BICC1: variants seen among roughly 807,000 people sequenced by gnomAD.
BICC1 encodes the protein protein bicaudal C homolog 1.
In BICC1, 43 loss-of-function variants were observed where a neutral mutation model predicts 111.0. That is an observed-to-expected ratio of 0.39 (90% CI 0.30 to 0.50). The LOEUF is 0.50. BICC1 is among the 20% of genes least tolerant of loss of function. The pLI is 0.88. For synonymous variants in BICC1, 467 were observed against 434.4 expected (o/e 1.07, Z -0.93); for missense variants, 1,091 against 1,203.2 (o/e 0.91, Z 1.38).
At chr10:58,777,490 A>G (rs1035196738) in intron 3 of BICC1, among the ~76,000 whole-genome samples, 1 of 151,934 alleles carries the variant, frequency 6.6e-6, no homozygotes, top group African/African-American at 2.4e-5. Flanking sequence ...CAATTGGTAA[A>G]CCATTCACAG....
At chr10:58,747,862 A>C (rs757605922) in intron 3 of BICC1, among the ~76,000 whole-genome samples, 152 of 152,242 alleles carry the variant, frequency 1.0e-3, no homozygotes, top group Admixed American at 2.0e-3. Context: ...CTGTGTTTGT[A>C]AATAAAAAGT....
chr10:58,573,626 A>G (rs575681471), intron 1 of BICC1, among the ~76,000 whole-genome samples: 13 of 152,270 alleles, frequency 8.5e-5, no homozygotes, highest in African/African-American at 1.7e-4. Context: ...AAATCTCGCA[A>G]TGAATTCTGC....
At chr10:58,544,553 G>A (rs905975058) in intron 1 of BICC1, among the ~76,000 whole-genome samples, 1 of 152,032 alleles carries the variant, frequency 6.6e-6, no homozygotes, top group African/African-American at 2.4e-5. Context: ...ATATATATGT[G>A]TGATCTGTGT....
At chr10:58,577,901 C>A (rs1844158820) in intron 1 of BICC1, among the ~76,000 whole-genome samples, 3 of 152,280 alleles carry the variant, frequency 2.0e-5, no homozygotes, top group South Asian at 4.1e-4. Flanking sequence ...CTAGAGCAAG[C>A]TGTGTTTTTG....
intron 1 of BICC1, among the ~76,000 whole-genome samples, chr10:58,601,142 ATATATATAT>A (rs1564506771): frequency 1.8e-4 from 21 of 119,520 alleles, no homozygotes; most frequent in South Asian, 6.1e-4. Flanking sequence ...TTTAAAACTT[ATATATATAT>A]ATATATATAT....
chr10:58,798,415 C>G lies in BICC1; in HGVS notation c.1383C>G (p.Thr461=), dbSNP rs149734189. 6.3e-6 allele frequency: 10 copies of G among 1,586,308 alleles called. No homozygotes were observed. The highest frequency in any genetic ancestry group is 5.8e-5 in the South Asian group (5 of 86,228). ...TTATTACAGGTCTTTTGGGACCCAC[C>G]ACCTTATCTCTGAACACTTCAACAA... ...GLTGLGLLGP[T]TLSLNTSTTP... The change falls in exon 11 of 21, where the codon ACC becomes ACG. Residue 461 remains threonine (T), a synonymous_variant. Transcript: ENST00000373886.
chr10:58,630,463 C>T (rs1461619395), intron 2 of BICC1, among the ~76,000 whole-genome samples: 2 of 152,082 alleles, frequency 1.3e-5, no homozygotes, highest in African/African-American at 4.8e-5. Flanking sequence ...GGGTTTTGCT[C>T]TGTTGCCCAG....
intron 1 of BICC1, among the ~76,000 whole-genome samples, chr10:58,618,257 A>G (rs1157306766): frequency 2.0e-5 from 3 of 152,174 alleles, no homozygotes; most frequent in Non-Finnish European, 4.4e-5. Context: ...TGTAAGGAAA[A>G]TGGATCTGCT....
chr10:58,583,324 C>T (rs573195238), intron 1 of BICC1, among the ~76,000 whole-genome samples: 6 of 152,060 alleles, frequency 3.9e-5, no homozygotes, highest in East Asian at 1.9e-4. Context: ...TCTTGGTGTA[C>T]CCATCACCCA....
intron 1 of BICC1, among the ~76,000 whole-genome samples, chr10:58,612,123 A>G (rs757591218): frequency 1.1e-4 from 16 of 152,232 alleles, no homozygotes; most frequent in Admixed American, 3.9e-4. Context: ...GTTGAAATTT[A>G]AAGTTAGAAG....
chr10:58,822,517 C>A (rs1379973247), intron 20 of BICC1, among the ~76,000 whole-genome samples: 1 of 151,996 alleles, frequency 6.6e-6, no homozygotes, highest in Non-Finnish European at 1.5e-5. Context: ...TTATATAGTA[C>A]TTTTGCAGAC....
intron 4 of BICC1, among the ~76,000 whole-genome samples, chr10:58,785,305 T>A (rs1842980440): frequency 6.6e-6 from 1 of 152,166 alleles, no homozygotes; most frequent in Non-Finnish European, 1.5e-5. Flanking sequence ...CACACACCTA[T>A]ATGTACCTAC....
intron 1 of BICC1, among the ~76,000 whole-genome samples, chr10:58,554,991 T>C (rs1843403676): frequency 6.6e-6 from 1 of 152,004 alleles, no homozygotes; most frequent in African/African-American, 2.4e-5. Flanking sequence ...AGTCTGAGCT[T>C]GTTATTTTAA....
At chr10:58,793,672 T>C in intron 9 of BICC1, 57 bp downstream of exon 9, 1 of 1,560,054 alleles carries the variant, frequency 6.4e-7, no homozygotes, top group Non-Finnish European at 8.8e-7. Flanking sequence ...CTGTATAGTT[T>C]TATTTTGCAT....
chr10:58,695,108 G>C (rs768222654), intron 2 of BICC1, among the ~76,000 whole-genome samples: 8 of 152,198 alleles, frequency 5.3e-5, no homozygotes, highest in Non-Finnish European at 7.3e-5. Flanking sequence ...TAAATACTGG[G>C]TGCACATGAG....
chr10:58,684,982 T>G (rs542112029), intron 2 of BICC1, among the ~76,000 whole-genome samples: 1 of 152,228 alleles, frequency 6.6e-6, no homozygotes, highest in Non-Finnish European at 1.5e-5. Context: ...TTTCAGATCT[T>G]TCCTGCTTTC....
chr10:58,563,016 C>T (rs1363444223), intron 1 of BICC1, among the ~76,000 whole-genome samples: 2 of 152,074 alleles, frequency 1.3e-5, no homozygotes, highest in Admixed American at 1.3e-4. Flanking sequence ...GTAGTCTCCT[C>T]TCTATGCTGG....
intron 2 of BICC1, among the ~76,000 whole-genome samples, chr10:58,644,342 A>C (rs1169769141): frequency 6.6e-6 from 1 of 152,214 alleles, no homozygotes; most frequent in African/African-American, 2.4e-5. Flanking sequence ...TTGCCTGGCT[A>C]CCACTCCCTG....
intron 1 of BICC1, among the ~76,000 whole-genome samples, chr10:58,540,414 A>G (rs933544564): frequency 2.0e-5 from 3 of 151,984 alleles, no homozygotes; most frequent in Non-Finnish European, 4.4e-5. Context: ...AATAACAAAA[A>G]TCAGAAAAGA....
Sources: gnomAD v4.1 joint callset for allele counts (sites outside exome capture counted in the v4.1 genomes callset) on GRCh38, gnomAD v4.1.1 for gene constraint, MANE v1.5 for transcripts, NCBI Gene and HGNC (gene_info 2026-07-23, HGNC 2026-07-21) for gene names.